The following UTRN variants were observed in gnomAD, a reference collection of about 807,000 sequenced individuals.
UTRN encodes the protein dystrophin-related protein 1.
In UTRN, 283 loss-of-function variants were observed where a neutral mutation model predicts 463.9. That is an observed-to-expected ratio of 0.61 (90% CI 0.55 to 0.67). The LOEUF is 0.67. UTRN is among the 30% of genes least tolerant of loss of function. The pLI is 0.00. For synonymous variants in UTRN, 1,442 were observed against 1,431.5 expected, an observed-to-expected ratio of 1.01 and a Z score of -0.17; for missense variants, 3,922 against 4,084.3, an observed-to-expected ratio of 0.96 and a Z score of 1.08.
chr6:144,806,817 A>C lies in UTRN; in HGVS notation c.9357+3670A>C, dbSNP rs1365857391. On this transcript the variant is annotated intron_variant, in intron 65 of 74. Transcript: ENST00000367545. ...ATATTTCTCTCTCATTCGAAATACA[A>C]ATTTTAGATGTACTATATTCTCAAT... is the stretch of plus-strand genomic sequence containing the variant. 1.3e-5 allele frequency among the ~76,000 whole-genome samples: 2 copies of C among 149,300 alleles called. 1 individual carries two copies. The highest frequency in any genetic ancestry group is 3.0e-5 in the Non-Finnish European group (2 of 67,188).
intron 45 of UTRN, among the ~76,000 whole-genome samples, chr6:144,540,808 A>G (rs190497576): frequency 1.0e-3 from 156 of 152,344 alleles, no homozygotes; most frequent in Non-Finnish European, 1.6e-3. Context: ...CCTTCAAAAT[A>G]CGTATCTACT....
chr6:144,376,049 C>T (rs537314386), intron 2 of UTRN, among the ~76,000 whole-genome samples: 8 of 152,188 alleles, frequency 5.3e-5, no homozygotes, highest in Non-Finnish European at 7.4e-5. Context: ...TGCAGTGGCA[C>T]GATCACAGCT....
intron 52 of UTRN, among the ~76,000 whole-genome samples, chr6:144,681,040 C>A (rs113253714): frequency 6.6e-6 from 1 of 152,088 alleles, no homozygotes; most frequent in Non-Finnish European, 1.5e-5. Flanking sequence ...CACACAGCTA[C>A]GGAGGATGCC....
chr6:144,596,103 T>C (rs990372353), intron 51 of UTRN, among the ~76,000 whole-genome samples: 5 of 152,220 alleles, frequency 3.3e-5, no homozygotes, highest in Non-Finnish European at 7.3e-5. Flanking sequence ...GGAGAAATTA[T>C]GTCATATAAA....
intron 50 of UTRN, among the ~76,000 whole-genome samples, chr6:144,564,186 A>C (rs1350372850): frequency 6.6e-6 from 1 of 152,178 alleles, no homozygotes; most frequent in African/African-American, 2.4e-5. Context: ...AAATAGGAAA[A>C]TAATACATAA....
chr6:144,442,951 T>A lies in UTRN; in HGVS notation c.1513-1330T>A, dbSNP rs376073342. Among the ~76,000 whole-genome samples, 4 of 152,312 alleles carry A rather than the reference T, an allele frequency of 2.6e-5. No individual in the cohort carries two copies. The East Asian group carries it at 5.8e-4, about 22-fold the overall frequency. ...AGGGAGGGATGCAGTGAATTTGCAA[T>A]GTAAGAAAAATCATGTGCATAGTAA... On this transcript the variant is annotated intron_variant, in intron 13 of 74. Coordinates refer to ENST00000367545, the MANE Select transcript of UTRN (RefSeq NM_007124.3).
rs75441940 is a variant in UTRN at position 144,562,977 on chromosome 6, T to C, written c.7289+5666T>C. On this transcript the variant is annotated intron_variant, in intron 50 of 74. Transcript: ENST00000367545. ...CAGTAGTGTTGAGCTTTTTTTCATA[T>C]GTTTGGTCACATAAATGTCCTCTTT... Among the ~76,000 whole-genome samples, 24 of 152,330 alleles carry C rather than the reference T, an allele frequency of 1.6e-4. No individual in the cohort carries two copies. In the East Asian group the frequency reaches 4.4e-3, roughly 28 times the overall value.
At chr6:144,617,164 TG>T (rs1347283895) in intron 51 of UTRN, among the ~76,000 whole-genome samples, 1 of 152,216 alleles carries the variant, frequency 6.6e-6, no homozygotes, top group Non-Finnish European at 1.5e-5. Context: ...GTCTTCCATC[TG>T]TCTGCACATT....
At chr6:144,571,415 C>T (rs1253048184) in intron 50 of UTRN, among the ~76,000 whole-genome samples, 5 of 152,290 alleles carry the variant, frequency 3.3e-5, no homozygotes, top group East Asian at 1.9e-4. Flanking sequence ...TCTTTTCCCT[C>T]GACTCACTGC....
At chr6:144,539,177 C>A (rs1797790645) in intron 44 of UTRN, 117 bp from the exon 45 acceptor site, 2 of 1,186,914 alleles carry the variant, frequency 1.7e-6, no homozygotes, top group Non-Finnish European at 2.3e-6. Flanking sequence ...TTTATTTTTT[C>A]ACTTAACAAA....
intron 51 of UTRN, among the ~76,000 whole-genome samples, chr6:144,595,520 A>G (rs932695201): frequency 3.9e-5 from 6 of 152,148 alleles, no homozygotes; most frequent in Admixed American, 2.0e-4. Flanking sequence ...GCCAGCTTCC[A>G]TATTGAGGTA....
At chr6:144,777,547 C>T (rs563521067) in intron 60 of UTRN, among the ~76,000 whole-genome samples, 1 of 152,168 alleles carries the variant, frequency 6.6e-6, no homozygotes, top group Non-Finnish European at 1.5e-5. Context: ...CTGTTTTTTT[C>T]AGCTGTGTGA....
At chr6:144,484,721 G>A (rs930928952) in intron 27 of UTRN, among the ~76,000 whole-genome samples, 1 of 151,866 alleles carries the variant, frequency 6.6e-6, no homozygotes, top group South Asian at 2.1e-4. Flanking sequence ...GAGATTACAG[G>A]TGTGAACCAC....
At chr6:144,756,321 A>G (rs1791981736) in intron 57 of UTRN, among the ~76,000 whole-genome samples, 2 of 152,278 alleles carry the variant, frequency 1.3e-5, no homozygotes, top group East Asian at 1.9e-4. Context: ...TCACCTAGCA[A>G]TCACTCTCAT....
intron 2 of UTRN, among the ~76,000 whole-genome samples, chr6:144,382,004 C>T (rs145441526): frequency 1.5e-4 from 23 of 152,234 alleles, no homozygotes; most frequent in Admixed American, 2.6e-4. Flanking sequence ...TTTCTTCAAC[C>T]TCGCTAGCAT....
In UTRN at chr6:144,516,397, A is replaced by G. The variant is rs1341377543; in HGVS notation, c.5403+10A>G. 1 of 1,605,562 alleles carries G rather than the reference A, an allele frequency of 6.2e-7. No individual in the cohort carries two copies. On this transcript the variant is annotated intron_variant, in intron 38 of 74. Transcript: ENST00000367545. ...TGATGAAGATGAAAAGGTTGGTTCA[A>G]GGAGATTTCAAAACCATGGTGGTCT...
rs961532253 is a variant in UTRN at position 144,663,342 on chromosome 6, T to A, written c.7480-15064T>A. 8.9e-4 allele frequency among the ~76,000 whole-genome samples: 133 copies of A among 149,322 alleles called. 1 individual carries two copies. The highest frequency in any genetic ancestry group is 3.0e-3 in the African/African-American group (125 of 41,442). On this transcript the variant is annotated intron_variant, in intron 51 of 74. Coordinates refer to ENST00000367545, the MANE Select transcript of UTRN (RefSeq NM_007124.3). ...GGAAGAGTTCACATTCAAAGTTGAC[T>A]AGTCCACCAACACACCTCTCTGAGA...
At chr6:144,352,494 C>T (rs1176157885) in intron 2 of UTRN, among the ~76,000 whole-genome samples, 1 of 152,192 alleles carries the variant, frequency 6.6e-6, no homozygotes, top group Non-Finnish European at 1.5e-5. Flanking sequence ...CAATAGTTCT[C>T]ATTTCCCTTT....
intron 57 of UTRN, among the ~76,000 whole-genome samples, chr6:144,755,733 G>A: frequency 6.6e-6 from 1 of 151,852 alleles, no homozygotes; most frequent in East Asian, 1.9e-4. Context: ...AAAACTTAGG[G>A]CAAAGCTTAT....
Sources: allele counts gnomAD v4.1 joint callset (sites outside exome capture counted in the v4.1 genomes callset), GRCh38; gene constraint gnomAD v4.1.1; transcripts MANE v1.5; gene names NCBI Gene and HGNC (gene_info 2026-07-23, HGNC 2026-07-21).